HIPK2: variants seen among roughly 807,000 people sequenced by gnomAD.
HIPK2 encodes the protein homeodomain interacting protein kinase 2.
In HIPK2, 27 loss-of-function variants were observed where a neutral mutation model predicts 113.7. That is an observed-to-expected ratio of 0.24 (90% CI 0.17 to 0.33). The LOEUF is 0.33. Among genes scored for constraint, HIPK2 ranks in the 10% least tolerant of loss-of-function variants. The pLI is 1.00. For missense variants in HIPK2, 1,257 were observed against 1,588.0 expected (o/e 0.79, Z 3.54); for synonymous variants, 631 against 642.2 (o/e 0.98, Z 0.26).
chr7:139,685,891 G>A (rs1794201434), intron 2 of HIPK2, among the ~76,000 whole-genome samples: 1 of 152,192 alleles, frequency 6.6e-6, no homozygotes. Context: ...TTTCATGCCT[G>A]CTAACACAAC....
At chr7:139,728,364 C>T (rs1416990552) in intron 1 of HIPK2, among the ~76,000 whole-genome samples, 1 of 152,244 alleles carries the variant, frequency 6.6e-6, no homozygotes, top group Non-Finnish European at 1.5e-5. Context: ...GACGCTGTCT[C>T]ACAGTTCAAG....
At chr7:139,623,904 A>C (rs972382006) in intron 6 of HIPK2, among the ~76,000 whole-genome samples, 114 of 152,156 alleles carry the variant, frequency 7.5e-4, no homozygotes, top group African/African-American at 2.6e-3. Context: ...TGCTCTCTTG[A>C]GCACACCCCT....
intron 2 of HIPK2, among the ~76,000 whole-genome samples, chr7:139,690,324 A>G (rs1794364835): frequency 6.6e-6 from 1 of 152,154 alleles, no homozygotes; most frequent in African/African-American, 2.4e-5. Flanking sequence ...GTAGGGACAT[A>G]CAGCAGGCTG....
At chr7:139,595,883 C>G (rs990745067) in intron 12 of HIPK2, among the ~76,000 whole-genome samples, 1 of 152,184 alleles carries the variant, frequency 6.6e-6, no homozygotes, top group Admixed American at 6.5e-5. Context: ...CTGCAGGATG[C>G]GTGCTGACTG....
chr7:139,717,190 G>A (rs1412272864), intron 1 of HIPK2, 175 bp from the exon 2 acceptor site: 33 of 451,332 alleles, frequency 7.3e-5, no homozygotes, highest in Non-Finnish European at 9.6e-5. Context: ...TCTGGTCACT[G>A]AGTTTGTGGA....
intron 2 of HIPK2, among the ~76,000 whole-genome samples, chr7:139,667,242 C>T (rs1379012791): frequency 6.6e-6 from 1 of 152,144 alleles, no homozygotes; most frequent in Non-Finnish European, 1.5e-5. Flanking sequence ...ATAATCAAGT[C>T]CACCAATTAT....
intron 2 of HIPK2, among the ~76,000 whole-genome samples, chr7:139,668,155 A>G (rs1802122470): frequency 6.6e-6 from 1 of 151,582 alleles, no homozygotes; most frequent in African/African-American, 2.4e-5. Context: ...CAAGCAAGCA[A>G]GCAGTTACCT....
At chr7:139,635,852 C>T (rs1210679679) in intron 2 of HIPK2, among the ~76,000 whole-genome samples, 4 of 152,210 alleles carry the variant, frequency 2.6e-5, no homozygotes, top group Non-Finnish European at 4.4e-5. Context: ...CAAAGCAGAA[C>T]ACAAGAACAA....
In HIPK2 at chr7:139,573,292, G is replaced by C. The variant is rs368094721; in HGVS notation, c.3232C>G (p.Pro1078Ala). The C allele has an allele frequency of 9.3e-6, 15 of 1,605,006 alleles. No homozygotes were observed. The highest frequency in any genetic ancestry group is 1.7e-6 in the Non-Finnish European group (2 of 1,179,826). Residue 1078 changes from proline (P) to alanine (A), a missense_variant, in exon 15 of 15, where the codon CCC becomes GCC. By Grantham distance (27) the Pro-to-Ala change is conservative. This residue lies in a region of HIPK2 where 862 missense variants were observed against 1,004.3 expected (regional missense o/e 0.86). Coordinates refer to ENST00000406875, the MANE Select transcript of HIPK2 (RefSeq NM_022740.5). ...TGCGGGTGCACAGTGCCGTGGCTGG[G>C]GCTGTTGTGCGGGAAGGAGTACGGA... The part of the protein sequence containing the change: ...QAPYSFPHNS[P>A]SHGTVHPHLA...
intron 2 of HIPK2, among the ~76,000 whole-genome samples, chr7:139,650,044 T>C (rs1801398539): frequency 6.6e-6 from 1 of 152,040 alleles, no homozygotes; most frequent in Non-Finnish European, 1.5e-5. Context: ...AGTTCTAAGA[T>C]GGGATATAAA....
In HIPK2 at chr7:139,677,243, T is replaced by TTA. The variant is rs989530449; in HGVS notation, c.1103+38687_1103+38688dup. 5.5e-3 allele frequency among the ~76,000 whole-genome samples: 613 copies of TTA among 110,572 alleles called. 3 individuals carry two copies. Among genetic ancestry groups the TTA allele is most frequent in the African/African-American group, 0.02 (570 of 28,634 alleles). 72.5% of individuals were successfully genotyped at this position (110,572 alleles called of 152,430 possible). A position where few individuals can be genotyped will look rare whatever the true frequency, so the allele number is the denominator to read the frequency against. On this transcript the variant is annotated intron_variant, in intron 2 of 14. Transcript: ENST00000406875. The stretch of plus-strand genomic sequence containing the variant: ...GAGAGAGGGGCTGATATTATATATA[T>TTA]TATATATATATATGGAGACACACAC...
intron 2 of HIPK2, among the ~76,000 whole-genome samples, chr7:139,699,089 G>C (rs1794637776): frequency 6.6e-6 from 1 of 152,070 alleles, no homozygotes; most frequent in Non-Finnish European, 1.5e-5. Context: ...CTGCTTGACT[G>C]AGGGCGGCCC....
chr7:139,570,885 T>C lies in HIPK2; in HGVS notation c.*2042A>G, dbSNP rs1759262168. Reference sequence around the variant, plus strand: ...CATCCTTGGCCAGATTCTCCTGCCATTCACATTCACATATTTCAGAGTTAT... The same window carrying C: ...CATCCTTGGCCAGATTCTCCTGCCACTCACATTCACATATTTCAGAGTTAT... On this transcript the variant is annotated 3_prime_UTR_variant, in exon 15 of 15. Transcript: ENST00000406875. 6.6e-6 allele frequency: 1 copy of C among 152,170 alleles called. No individual in the cohort carries two copies. Among genetic ancestry groups the C allele is most frequent in the Admixed American group, 6.5e-5 (1 of 15,280 alleles). 9.4% of individuals were successfully genotyped at this position (152,170 alleles called of 1,614,324 possible).
chr7:139,661,472 A>G (rs1236127788), intron 2 of HIPK2, among the ~76,000 whole-genome samples: 4 of 152,176 alleles, frequency 2.6e-5, no homozygotes, highest in Admixed American at 2.6e-4. Context: ...GTGGTCATGA[A>G]CCTTGGGGTC....
At chr7:139,757,460 G>A (rs943593869) in intron 1 of HIPK2, among the ~76,000 whole-genome samples, 36 of 152,130 alleles carry the variant, frequency 2.4e-4, no homozygotes, top group Non-Finnish European at 3.2e-4. Context: ...CTGCACTCAT[G>A]AAATCTCACA....
At chr7:139,732,712 T>C (rs572300050) in intron 1 of HIPK2, among the ~76,000 whole-genome samples, 9 of 151,246 alleles carry the variant, frequency 6.0e-5, no homozygotes, top group Non-Finnish European at 8.8e-5. Flanking sequence ...TCATATTTCA[T>C]AGGGTCCTTG....
At chr7:139,679,013 T>C (rs1286288218) in intron 2 of HIPK2, among the ~76,000 whole-genome samples, 1 of 152,266 alleles carries the variant, frequency 6.6e-6, no homozygotes, top group Non-Finnish European at 1.5e-5. Context: ...ATTGATTTTG[T>C]ATCCTGAGAC....
Position 139,738,325 on chromosome 7 carries a change from G to A in HIPK2, c.20-21310C>T, listed in dbSNP as rs111818982. Among the ~76,000 whole-genome samples, 272 of 152,370 alleles carry A rather than the reference G, an allele frequency of 1.8e-3. 2 individuals carry two copies. The highest frequency in any genetic ancestry group is 6.3e-3 in the African/African-American group (264 of 41,582). ...CACGCTGAAGCATCGGGGGTAACGCGGAGCTGTCCAGAGGAGCTCTGTGTG... is the reference window on the plus strand; with the variant it reads ...CACGCTGAAGCATCGGGGGTAACGCAGAGCTGTCCAGAGGAGCTCTGTGTG... On this transcript the variant is annotated intron_variant, in intron 1 of 14. Coordinates refer to ENST00000406875, the MANE Select transcript of HIPK2 (RefSeq NM_022740.5).
At chr7:139,705,496 C>G (rs1479065797) in intron 2 of HIPK2, among the ~76,000 whole-genome samples, 1 of 152,100 alleles carries the variant, frequency 6.6e-6, no homozygotes, top group Admixed American at 6.5e-5. Flanking sequence ...CCTGCCTCAG[C>G]CTCCTGAGTA....
Sources: gnomAD v4.1 joint callset for allele counts (sites outside exome capture counted in the v4.1 genomes callset) on GRCh38, gnomAD v4.1.1 for gene constraint, gnomAD v4.1.1 regional missense constraint, MANE v1.5 for transcripts, NCBI Gene and HGNC (gene_info 2026-07-23, HGNC 2026-07-21) for gene names.